Variants in C12orf42 observed in about 807,000 individuals in gnomAD.
C12orf42 encodes uncharacterized protein C12orf42.
In C12orf42, 25 loss-of-function variants were observed where a neutral mutation model predicts 21.6. The ratio of observed to expected loss-of-function variants is 1.16; its 90% CI spans 0.84 to 1.62. C12orf42 has a LOEUF of 1.62. Ranked by LOEUF, C12orf42 falls within the 40% of genes most tolerant of loss-of-function variation. The probability of loss-of-function intolerance (pLI) is 0.00; values close to 1 mark genes in which losing one functional copy is unlikely to be tolerated. For synonymous variants in C12orf42, 174 were observed against 175.0 expected (o/e 0.99, Z 0.05); for missense variants, 483 against 459.3 (o/e 1.05, Z -0.47).
chr12:103,221,378 C>A, the C12orf42 span, among the ~76,000 whole-genome samples: 2 of 152,206 alleles, frequency 1.3e-5, no homozygotes, highest in Non-Finnish European at 2.9e-5. Flanking sequence ...TCATAGCATT[C>A]ATTTATTGAA....
chr12:103,217,143 G>A, the C12orf42 span, among the ~76,000 whole-genome samples: 1 of 152,126 alleles, frequency 6.6e-6, no homozygotes, highest in Admixed American at 6.6e-5. Flanking sequence ...ACTCCTGGCT[G>A]ACAAGACCTA....
chr12:103,416,508 G>A (rs548507716), intron 2 of C12orf42, among the ~76,000 whole-genome samples: 141 of 152,022 alleles, frequency 9.3e-4, no homozygotes, highest in African/African-American at 3.0e-3. Context: ...ATAAATTCAT[G>A]GGAATAAAAC....
At chr12:103,332,718 A>C (rs1295939170) in intron 4 of C12orf42, among the ~76,000 whole-genome samples, 1 of 152,382 alleles carries the variant, frequency 6.6e-6, no homozygotes, top group East Asian at 1.9e-4. Flanking sequence ...TAAAGGTCCC[A>C]ACTGCTGGTA....
intron 2 of C12orf42, among the ~76,000 whole-genome samples, chr12:103,423,967 T>C (rs781257080): frequency 4.6e-5 from 7 of 152,380 alleles, no homozygotes; most frequent in Non-Finnish European, 7.3e-5. Context: ...TGAAGATGGA[T>C]TTCAAAGTAA....
At chr12:103,280,194 C>T (rs903286824) in intron 4 of C12orf42, among the ~76,000 whole-genome samples, 10 of 152,166 alleles carry the variant, frequency 6.6e-5, no homozygotes, top group African/African-American at 9.7e-5. Context: ...GAACCAGAGG[C>T]TTTACAGATT....
chr12:103,344,124 T>C lies in C12orf42; in HGVS notation c.259+24763A>G, dbSNP rs566771947. On this transcript the variant is annotated intron_variant, in intron 4 of 5. Coordinates refer to ENST00000548883, the MANE Select transcript of C12orf42 (RefSeq NM_198521.5). ...AAAAGGGTGGAGGCCCTCCTACAGC[T>C]GTGCAAAATCAAGTCATTTTAGCTG... Among the ~76,000 whole-genome samples the C allele has an allele frequency of 5.9e-5, 9 of 152,330 alleles. No homozygotes were observed. In the East Asian group the frequency reaches 1.7e-3, roughly 29 times the overall value.
the C12orf42 span, among the ~76,000 whole-genome samples, chr12:103,505,801 G>T: frequency 1.3e-5 from 2 of 152,186 alleles, no homozygotes; most frequent in Non-Finnish European, 2.9e-5. Flanking sequence ...TGGCTTCTCC[G>T]CTTGGACACA....
chr12:103,528,415 T>C, the C12orf42 span, among the ~76,000 whole-genome samples: 2 of 152,218 alleles, frequency 1.3e-5, no homozygotes, highest in African/African-American at 4.8e-5. Context: ...CTAAGTCTCA[T>C]GTTGAAATTT....
chr12:103,431,896 G>C (rs1950294137), intron 2 of C12orf42, among the ~76,000 whole-genome samples: 1 of 152,178 alleles, frequency 6.6e-6, no homozygotes, highest in Non-Finnish European at 1.5e-5. Flanking sequence ...AGGAGAGAAA[G>C]AGGCAGGCTT....
the C12orf42 span, among the ~76,000 whole-genome samples, chr12:103,189,671 A>C: frequency 6.6e-6 from 1 of 152,198 alleles, no homozygotes; most frequent in African/African-American, 2.4e-5. Flanking sequence ...CAACTTCCTG[A>C]GAACTCAGGC....
chr12:103,179,100 T>G, the C12orf42 span, among the ~76,000 whole-genome samples: 16 of 152,340 alleles, frequency 1.1e-4, no homozygotes, highest in East Asian at 1.9e-3. Context: ...ACCTGCTTTT[T>G]GGGGCCTATT....
At chr12:103,151,135 G>T in the C12orf42 span, among the ~76,000 whole-genome samples, 1 of 152,002 alleles carries the variant, frequency 6.6e-6, no homozygotes. Flanking sequence ...CACCATGTTG[G>T]TCAGGCTGGT....
At chr12:103,502,849 G>A in the C12orf42 span, among the ~76,000 whole-genome samples, 5 of 152,322 alleles carry the variant, frequency 3.3e-5, 1 homozygote, top group East Asian at 3.9e-4. Context: ...AGGAAAGAAT[G>A]GTAGGCATGT....
chr12:103,178,517 G>A, the C12orf42 span: 1 of 152,170 alleles, frequency 6.6e-6, no homozygotes, highest in Non-Finnish European at 1.5e-5. Context: ...TCGGAGCAGT[G>A]GTCTGAGAGG....
chr12:103,525,106 C>T, the C12orf42 span, among the ~76,000 whole-genome samples: 1 of 152,182 alleles, frequency 6.6e-6, no homozygotes, highest in Non-Finnish European at 1.5e-5. Context: ...CAGCCTCAAC[C>T]TCCTGGGCTC....
At chr12:103,088,852 C>T in the C12orf42 span, among the ~76,000 whole-genome samples, 2 of 152,054 alleles carry the variant, frequency 1.3e-5, no homozygotes, top group African/African-American at 4.8e-5. Flanking sequence ...GCCAGTAATC[C>T]CAGCACTTTG....
chr12:103,368,149 T>C (rs1290312915), intron 4 of C12orf42: 6 of 849,704 alleles, frequency 7.1e-6, no homozygotes, highest in Non-Finnish European at 1.0e-5. Context: ...GTCAAAATCA[T>C]CTATGGTGAC....
chr12:103,379,706 TC>T (rs560165718), intron 3 of C12orf42, among the ~76,000 whole-genome samples: 3 of 152,222 alleles, frequency 2.0e-5, no homozygotes, highest in Non-Finnish European at 4.4e-5. Flanking sequence ...AGTATTACCC[TC>T]CCTTCCATCC....
At chr12:103,105,689 C>G in the C12orf42 span, among the ~76,000 whole-genome samples, 2 of 151,014 alleles carry the variant, frequency 1.3e-5, no homozygotes, top group Non-Finnish European at 2.9e-5. Context: ...ACTGAAAACT[C>G]AGACAGTAGA....
Sources: gnomAD v4.1 joint callset for allele counts (sites outside exome capture counted in the v4.1 genomes callset) on GRCh38, gnomAD v4.1.1 for gene constraint, MANE v1.5 for transcripts, NCBI Gene and HGNC (gene_info 2026-07-23, HGNC 2026-07-21) for gene names.